The following IP6K3 variants were observed in gnomAD, a reference collection of about 807,000 sequenced individuals.
IP6K3 encodes inositol hexakisphosphate kinase 3.
In IP6K3, 20 loss-of-function variants were observed where a neutral mutation model predicts 28.8. That is an observed-to-expected ratio of 0.70 (90% confidence interval 0.49 to 1.01). The LOEUF is 1.01. Ranked by LOEUF, IP6K3 falls within the 50% of genes least tolerant of loss-of-function variation. The probability of loss-of-function intolerance (pLI) is 0.00; values close to 1 mark genes in which losing one functional copy is unlikely to be tolerated. For missense variants in IP6K3, 480 were observed against 537.1 expected (o/e 0.89, Z 1.05); for synonymous variants, 213 against 221.3 (o/e 0.96, Z 0.33).
rs201391790 is a variant in IP6K3, at chr6:33,725,505, C to T, written c.701G>A (p.Arg234His). The T allele has an allele frequency of 9.5e-5, 153 of 1,613,800 alleles. No individual in the cohort carries two copies. Among genetic ancestry groups the T allele is most frequent in the Middle Eastern group, 3.3e-4 (2 of 6,084 alleles). Residue 234 changes from arginine (R) to histidine (H), a missense_variant, in exon 5 of 6, where the codon CGC becomes CAC. Coordinates refer to ENST00000293756, the MANE Select transcript of IP6K3 (RefSeq NM_054111.5). ...GDDASEEKKA[R>H]HMRKCAQSTS... Reference sequence around the variant, plus strand: ...GCTCTGCGCACACTTCCTCATGTGGCGGGCCTTCTTCTCCTCCGATGCATC... The same window carrying T: ...GCTCTGCGCACACTTCCTCATGTGGTGGGCCTTCTTCTCCTCCGATGCATC...
At chr6:33,736,502 T>A (rs1766530749) in intron 1 of IP6K3, among the ~76,000 whole-genome samples, 1 of 152,188 alleles carries the variant, frequency 6.6e-6, no homozygotes, top group Non-Finnish European at 1.5e-5. Flanking sequence ...CCTCCCGGGT[T>A]CAAGCGATTC....
chr6:33,726,176 C>T (rs1766102918), intron 4 of IP6K3, among the ~76,000 whole-genome samples: 5 of 152,200 alleles, frequency 3.3e-5, no homozygotes, highest in Admixed American at 3.3e-4. Flanking sequence ...GTATTTCAAA[C>T]CTAAATTTTC....
At chr6:33,726,025 T>C (rs1256822464) in intron 4 of IP6K3, among the ~76,000 whole-genome samples, 1 of 152,226 alleles carries the variant, frequency 6.6e-6, no homozygotes, top group Non-Finnish European at 1.5e-5. Flanking sequence ...GCTTTGGAGA[T>C]GAGTTGCAGG....
At position 33,746,775 on chromosome 6, in the gene IP6K3, T is replaced by C. The variant is rs1766927222; in HGVS notation, c.-197A>G. 1 of 152,134 alleles carries C rather than the reference T, an allele frequency of 6.6e-6. No homozygotes were observed. The highest frequency in any genetic ancestry group is 1.5e-5 in the Non-Finnish European group (1 of 68,086). The allele number at this position is 152,134 out of a possible 1,614,324, so 9.4% of individuals were successfully genotyped here. ...GCACTCACCAGAGCTTCCTCCGAGA[T>C]CGTGGGGAGTGTATGGAAGGCAGGG... is the stretch of plus-strand genomic sequence containing the variant. On this transcript the variant is annotated 5_prime_UTR_variant, in exon 1 of 6. Transcript: ENST00000293756. The surrounding 1 kb of genome is among the most constrained non-coding windows in gnomAD (Gnocchi z 6.5).
At chr6:33,729,629 G>A (rs377025142) in intron 2 of IP6K3, among the ~76,000 whole-genome samples, 41 of 152,140 alleles carry the variant, frequency 2.7e-4, no homozygotes, top group African/African-American at 9.2e-4. Flanking sequence ...GCTTTCCAGT[G>A]TTGCTGGTCC....
intron 5 of IP6K3, among the ~76,000 whole-genome samples, chr6:33,723,551 C>G (rs1283240215): frequency 6.6e-6 from 1 of 152,228 alleles, no homozygotes; most frequent in Non-Finnish European, 1.5e-5. Context: ...CAAATATTAG[C>G]AAACCCAAGC....
chr6:33,757,893 A>G, the IP6K3 span, among the ~76,000 whole-genome samples: 2 of 152,212 alleles, frequency 1.3e-5, no homozygotes, highest in African/African-American at 4.8e-5. Context: ...GAAACAAGGT[A>G]AAAGTCTCTC....
intron 1 of IP6K3, among the ~76,000 whole-genome samples, chr6:33,736,632 C>T (rs1766536831): frequency 6.6e-6 from 1 of 152,200 alleles, no homozygotes; most frequent in Non-Finnish European, 1.5e-5. Flanking sequence ...TCTCGAACTC[C>T]TGACCTCAGG....
the IP6K3 span, among the ~76,000 whole-genome samples, chr6:33,753,526 C>T: frequency 6.6e-6 from 1 of 152,140 alleles, no homozygotes; most frequent in South Asian, 2.1e-4. Context: ...GCAAGGGGAA[C>T]AGCATCCACA....
intron 4 of IP6K3, 117 bp from the exon 5 acceptor site, chr6:33,725,733 CTCCCATTGCCTTCCTTACAGACAAGCTCA>C: frequency 2.6e-6 from 2 of 782,628 alleles, no homozygotes; most frequent in Non-Finnish European, 4.0e-6. Context: ...CCATTCTTCA[CTCCCATTGCCTTCCTTACAGACAAGCTCA>C]TCCTTGCTAT....
At chr6:33,727,362 G>C (rs1052290531) in intron 3 of IP6K3, among the ~76,000 whole-genome samples, 32 of 152,148 alleles carry the variant, frequency 2.1e-4, no homozygotes, top group African/African-American at 7.5e-4. Flanking sequence ...CGTGGACAGC[G>C]GCCGGCCCTC....
chr6:33,731,604 C>T (rs1766324310), intron 2 of IP6K3, among the ~76,000 whole-genome samples: 1 of 152,188 alleles, frequency 6.6e-6, no homozygotes, highest in African/African-American at 2.4e-5. Flanking sequence ...CAGCTCTTGT[C>T]TGTCTTTCCC....
At chr6:33,751,366 CCA>C (rs1401558626), upstream of IP6K3, among the ~76,000 whole-genome samples, 1 of 152,180 alleles carries the variant, frequency 6.6e-6, no homozygotes, top group African/African-American at 2.4e-5. The surrounding 1 kb of genome is among the most constrained non-coding windows in gnomAD (Gnocchi z 4.3). Context: ...AGCTGTTGAG[CCA>C]CAGATTGCAA....
intron 1 of IP6K3, among the ~76,000 whole-genome samples, chr6:33,737,194 T>C (rs1354828678): frequency 1.3e-5 from 2 of 152,190 alleles, no homozygotes; most frequent in East Asian, 3.9e-4. Context: ...AAGCTGGCGC[T>C]CTGGGCTGGA....
At position 33,730,928 on chromosome 6, in the gene IP6K3, C is replaced by T. The variant is rs1387841179; in HGVS notation, c.200-2628G>A. 4.6e-5 allele frequency among the ~76,000 whole-genome samples: 7 copies of T among 152,212 alleles called. No homozygotes were observed. In the East Asian group the frequency reaches 9.6e-4, roughly 21 times the overall value. ...GGTCATTCTGTTCCATAGGAGAGAA[C>T]AGAGACGCTGTGATTCCCTCCCCTC... On this transcript the variant is annotated intron_variant, in intron 2 of 5. Transcript: ENST00000293756.
chr6:33,747,892 G>A (rs1482115744), upstream of IP6K3, among the ~76,000 whole-genome samples: 2 of 152,150 alleles, frequency 1.3e-5, no homozygotes, highest in Admixed American at 1.3e-4. The surrounding 1 kb of genome is among the most constrained non-coding windows in gnomAD (Gnocchi z 5.2). Context: ...GGGAGAGGGG[G>A]CAGTGTGGGG....
chr6:33,733,688 G>A (rs1484125416), intron 2 of IP6K3, among the ~76,000 whole-genome samples: 2 of 152,230 alleles, frequency 1.3e-5, no homozygotes, highest in African/African-American at 2.4e-5. Flanking sequence ...ACCAGCCTGC[G>A]GGCCGGGAAG....
In IP6K3 at chr6:33,728,274, C is replaced by G; in HGVS notation, c.226G>C (p.Asp76His). 6.2e-7 allele frequency: 1 copy of G among 1,614,220 alleles called. No homozygotes were observed. The highest frequency in any genetic ancestry group is 8.5e-7 in the Non-Finnish European group (1 of 1,180,040). The change falls in exon 3 of 6, where the codon GAC (aspartate) becomes CAC (histidine). Residue 76 changes from aspartate to histidine, a missense_variant. Transcript: ENST00000293756. Reference protein sequence around the residue: ...KGTVTVHLWKDSTGHLSLVAN... With the variant: ...KGTVTVHLWKHSTGHLSLVAN... ...ACCAAGCTGAGATGGCCTGTGCTGT[C>G]TTTCCAGAGGTGCACTGTGACGGTA...
intron 2 of IP6K3, among the ~76,000 whole-genome samples, chr6:33,730,148 G>C (rs976815905): frequency 6.6e-6 from 1 of 152,202 alleles, no homozygotes; most frequent in African/African-American, 2.4e-5. Context: ...CCCCAGCCAC[G>C]TGGTCACCTT....
Sources: allele counts gnomAD v4.1 joint callset (sites outside exome capture counted in the v4.1 genomes callset), GRCh38; gene constraint gnomAD v4.1.1; non-coding constraint Gnocchi (gnomAD v3.1); transcripts MANE v1.5; gene names NCBI Gene and HGNC (gene_info 2026-07-23, HGNC 2026-07-21).